Variants in DNAJC13 observed in about 807,000 individuals in gnomAD.
DNAJC13 encodes the protein DnaJ heat shock protein family (Hsp40) member C13.
DNAJC13 carries 75 observed loss-of-function variants against 290.5 expected under a neutral mutation model. That is an observed-to-expected ratio of 0.26 (90% CI 0.21 to 0.31). The LOEUF is 0.31. Ranked by LOEUF, DNAJC13 falls within the 10% of genes least tolerant of loss-of-function variation. The pLI, the probability that DNAJC13 is intolerant of heterozygous loss-of-function variation, is 1.00. For missense variants in DNAJC13, 2,260 were observed against 2,674.5 expected (o/e 0.85, Z 3.42); for synonymous variants, 862 against 892.0 (o/e 0.97, Z 0.60).
rs201027430 is a variant in DNAJC13 at position 132,460,334 on chromosome 3, C to T, written c.1534C>T (p.Leu512=). Residue 512 remains leucine (L), a synonymous_variant, in exon 14 of 56, where the codon CTG becomes TTG. Transcript: ENST00000260818. ...LSSKKFLENL[L]EKFNSHVDHG... ...GTCAAAGAAGTTTCTGGAAAACTTA[C>T]TGGAGAAATTTAATTCCCATGTGGT... is the stretch of plus-strand genomic sequence containing the variant. The T allele has an allele frequency of 1.9e-6, 3 of 1,609,316 alleles. No individual in the cohort carries two copies. The highest frequency in any genetic ancestry group is 2.5e-6 in the Non-Finnish European group (3 of 1,176,618).
At chr3:132,506,768 T>A (rs1293451154) in intron 42 of DNAJC13, among the ~76,000 whole-genome samples, 1 of 151,938 alleles carries the variant, frequency 6.6e-6, no homozygotes, top group African/African-American at 2.4e-5. Flanking sequence ...GCCAAGATGG[T>A]CTCGATCTCT....
At chr3:132,511,039 T>G (rs1349556841) in intron 43 of DNAJC13, 28 bp from the exon 44 acceptor site, 2 of 1,603,574 alleles carry the variant, frequency 1.2e-6, no homozygotes, top group Non-Finnish European at 8.5e-7. Flanking sequence ...GCACCCATGT[T>G]GTTTAAATAC....
intron 49 of DNAJC13, 38 bp from the exon 50 acceptor site, chr3:132,523,119 T>G: frequency 6.2e-7 from 1 of 1,613,434 alleles, no homozygotes; most frequent in Non-Finnish European, 8.5e-7. Flanking sequence ...AATGTATTTG[T>G]GACTGAAGTT....
At chr3:132,450,889 A>G (rs1016938459) in intron 6 of DNAJC13, 42 bp downstream of exon 6, 1 of 1,226,904 alleles carries the variant, frequency 8.2e-7, no homozygotes, top group Non-Finnish European at 1.1e-6. Flanking sequence ...TAAAAGGGTC[A>G]TGACCATTTG....
intron 44 of DNAJC13, 134 bp downstream of exon 44, chr3:132,511,378 A>G: frequency 9.7e-7 from 1 of 1,030,878 alleles, no homozygotes; most frequent in Non-Finnish European, 1.4e-6. Context: ...ATTACAGGGA[A>G]TTGACCCTGT....
chr3:132,443,738 G>A (rs1043164186), intron 2 of DNAJC13, among the ~76,000 whole-genome samples: 3 of 152,146 alleles, frequency 2.0e-5, no homozygotes, highest in Non-Finnish European at 4.4e-5. Context: ...AGGGAGTGCG[G>A]AGGGGAAGGG....
chr3:132,495,838 GT>G (rs559594368), intron 35 of DNAJC13, among the ~76,000 whole-genome samples: 17 of 152,058 alleles, frequency 1.1e-4, no homozygotes, highest in African/African-American at 2.9e-4. Context: ...AACCCTAGGG[GT>G]TTTTTTGAGA....
rs1057024625 is a variant in DNAJC13, at chr3:132,423,244, G to A, written c.-14+5484G>A. 5.3e-5 allele frequency among the ~76,000 whole-genome samples: 8 copies of A among 152,210 alleles called. 1 individual carries two copies. Among genetic ancestry groups the A allele is most frequent in the East Asian group, 1.9e-4 (1 of 5,184 alleles). ...CAGTGAGCTATGATTGTGTTGCTGC[G>A]TTTCAGTCTGGGTGACAAAGGAAGA... On this transcript the variant is annotated intron_variant, in intron 1 of 55. Coordinates refer to ENST00000260818, the MANE Select transcript of DNAJC13 (RefSeq NM_015268.4).
chr3:132,469,963 CTTTTTTTTT>C (rs61726289), intron 20 of DNAJC13, among the ~76,000 whole-genome samples: 1,857 of 61,188 alleles, frequency 0.03, 35 homozygotes, highest in African/African-American at 0.091. Context: ...AGCAGAGATT[CTTTTTTTTT>C]TTTTTTTTTT....
At chr3:132,469,840 T>C (rs1446996923) in intron 20 of DNAJC13, among the ~76,000 whole-genome samples, 2 of 151,766 alleles carry the variant, frequency 1.3e-5, no homozygotes, top group Admixed American at 6.6e-5. Flanking sequence ...TTTTGCACTT[T>C]AATGAAATTA....
intron 45 of DNAJC13, 41 bp downstream of exon 45, chr3:132,513,140 A>T: frequency 6.7e-7 from 1 of 1,488,378 alleles, no homozygotes; most frequent in Non-Finnish European, 9.4e-7. Context: ...CTTTCCTACC[A>T]CTTACCATGT....
intron 48 of DNAJC13, among the ~76,000 whole-genome samples, chr3:132,522,534 A>G (rs115445518): frequency 0.015 from 2,306 of 152,278 alleles, 21 homozygotes; most frequent in Non-Finnish European, 0.025. Context: ...ACTTTACCAT[A>G]CTAGTGATAC....
At chr3:132,489,466 A>G (rs1327863500) in intron 31 of DNAJC13, among the ~76,000 whole-genome samples, 2 of 151,414 alleles carry the variant, frequency 1.3e-5, no homozygotes, top group African/African-American at 2.4e-5. Context: ...CTTTCATTTT[A>G]CTGTGGGGTT....
intron 1 of DNAJC13, among the ~76,000 whole-genome samples, chr3:132,428,723 C>T (rs1174997852): frequency 6.6e-6 from 1 of 152,152 alleles, no homozygotes. Flanking sequence ...TTGTTTTGAA[C>T]ACTTTGTCAA....
At position 132,450,840 on chromosome 3, in the gene DNAJC13, G is replaced by A; in HGVS notation, c.530G>A (p.Ser177Asn). 1 of 1,532,896 alleles carries A rather than the reference G, an allele frequency of 6.5e-7. No homozygotes were observed. Among genetic ancestry groups the A allele is most frequent in the Non-Finnish European group, 8.9e-7 (1 of 1,120,610 alleles). 95.0% of individuals were successfully genotyped at this position (1,532,896 alleles called of 1,614,324 possible). The change falls in exon 6 of 56, where the codon AGT becomes AAT. Residue 177 changes from serine to asparagine, a missense_variant. Around this residue, in one of 3 missense-constraint regions of DNAJC13, gnomAD observed 762 missense variants for 964.1 expected, o/e 0.79. Transcript: ENST00000260818. ...GGFCILYGGF[S>N]RLHLFASEQR... ...TTTTGTATACTTTATGGAGGATTTA[G>A]TAGATTGGTAAGTACTATTTTAAAA...
At chr3:132,485,799 C>A (rs1934850624) in intron 29 of DNAJC13, among the ~76,000 whole-genome samples, 2 of 152,168 alleles carry the variant, frequency 1.3e-5, no homozygotes, top group African/African-American at 4.8e-5. Flanking sequence ...ACCAAAATAT[C>A]TTTTTCTTTT....
chr3:132,495,213 A>G (rs2107712459), intron 35 of DNAJC13, 47 bp downstream of exon 35: 1 of 1,458,104 alleles, frequency 6.9e-7, no homozygotes, highest in Non-Finnish European at 9.6e-7. Context: ...CTCTTGCTCT[A>G]TTATTATGTA....
chr3:132,537,322 C>G (rs1297967346), intron 55 of DNAJC13: 3 of 438,358 alleles, frequency 6.8e-6, no homozygotes, highest in Admixed American at 4.9e-5. Context: ...TAGTCCTAAC[C>G]CTCAATGTTC....
intron 6 of DNAJC13, among the ~76,000 whole-genome samples, chr3:132,452,170 GAAT>G (rs1222437078): frequency 6.6e-6 from 1 of 152,124 alleles, no homozygotes; most frequent in African/African-American, 2.4e-5. Flanking sequence ...CCATAAAATG[GAAT>G]AATAAGGTAA....
Sources: allele counts gnomAD v4.1 joint callset (sites outside exome capture counted in the v4.1 genomes callset), GRCh38; gene constraint gnomAD v4.1.1; regional missense constraint gnomAD v4.1.1; transcripts MANE v1.5; gene names NCBI Gene and HGNC (gene_info 2026-07-23, HGNC 2026-07-21).